Variants in CDK5RAP1 observed in about 807,000 individuals in gnomAD.
The protein encoded by CDK5RAP1 is mitochondrial tRNA methylthiotransferase CDK5RAP1.
In CDK5RAP1, 62 loss-of-function variants were observed where a neutral mutation model predicts 64.5. The observed-to-expected ratio is 0.96, with a 90% CI of 0.78 to 1.19. CDK5RAP1 has a LOEUF of 1.19. CDK5RAP1 is among the 50% of genes most tolerant of loss of function. The pLI is 0.00. For synonymous variants in CDK5RAP1, 250 were observed against 261.9 expected (o/e 0.95, Z 0.44); for missense variants, 657 against 735.0 (o/e 0.89, Z 1.23).
rs34108228 is a variant in CDK5RAP1 at position 33,381,080 on chromosome 20, TACAG to T, written c.877-1393_877-1390del. On this transcript the variant is annotated intron_variant, in intron 7 of 13. Transcript: ENST00000346416. Reference sequence around the variant, plus strand: ...CTTGTTTTGTAACTTTGACATAATTTACAGACAAACTGCAATATTAAAAGAATTC... The same window carrying T: ...CTTGTTTTGTAACTTTGACATAATTTACAAACTGCAATATTAAAAGAATTC... Among the ~76,000 whole-genome samples, 613 of 152,354 alleles carry T rather than the reference TACAG, an allele frequency of 4.0e-3. 7 individuals are homozygous for T. The highest frequency in any genetic ancestry group is 0.014 in the African/African-American group (576 of 41,600).
At chr20:33,400,808 C>T (rs1209732924) in intron 1 of CDK5RAP1, among the ~76,000 whole-genome samples, 1 of 146,876 alleles carries the variant, frequency 6.8e-6, no homozygotes, top group Non-Finnish European at 1.5e-5. Flanking sequence ...GAGCAAGACT[C>T]CCGTCTCAAG....
rs1055880746 is a variant in CDK5RAP1, at chr20:33,388,774, G to A, written c.545-1241C>T. On this transcript the variant is annotated intron_variant, in intron 5 of 13. Coordinates refer to ENST00000346416, the MANE Select transcript of CDK5RAP1 (RefSeq NM_016408.4). ...CGAGTGCCTGCGATTGCAGGCGCGCGCCGCCACGCCTGACTGGTTTTCGTA... is the reference window on the plus strand; with the variant it reads ...CGAGTGCCTGCGATTGCAGGCGCGCACCGCCACGCCTGACTGGTTTTCGTA... Among the ~76,000 whole-genome samples the A allele has an allele frequency of 8.8e-4, 134 of 152,108 alleles. 5 individuals carry two copies. The highest frequency in any genetic ancestry group is 6.5e-4 in the Admixed American group (10 of 15,280).
intron 1 of CDK5RAP1, 89 bp downstream of exon 1, chr20:33,401,339 C>T (rs763930910): frequency 2.4e-4 from 222 of 931,786 alleles, no homozygotes; most frequent in Non-Finnish European, 2.7e-4. Context: ...TCTTGAACAC[C>T]GTGCGCTTCC....
At chr20:33,388,744 C>A (rs1600784745) in intron 5 of CDK5RAP1, among the ~76,000 whole-genome samples, 1 of 152,096 alleles carries the variant, frequency 6.6e-6, no homozygotes, top group African/African-American at 2.4e-5. Context: ...CCTGCCTCAA[C>A]CTGCCGAGTG....
At chr20:33,388,859 G>A (rs1007088301) in intron 5 of CDK5RAP1, among the ~76,000 whole-genome samples, 8 of 152,218 alleles carry the variant, frequency 5.3e-5, no homozygotes, top group Admixed American at 2.0e-4. Flanking sequence ...GCTCCTAACC[G>A]GGAGTGATCT....
intron 5 of CDK5RAP1, among the ~76,000 whole-genome samples, chr20:33,388,447 T>C (rs1334592004): frequency 1.3e-5 from 2 of 152,008 alleles, no homozygotes; most frequent in Non-Finnish European, 2.9e-5. Context: ...CAAGTGTCTA[T>C]TAATGAATGA....
At position 33,373,078 on chromosome 20, in the gene CDK5RAP1, G is replaced by C. The variant is rs1985341001; in HGVS notation, c.1206-381C>G. Reference sequence around the variant, plus strand: ...AGATGTGCGCCACCACACCCAGCTAGTGTGTGTGTGTGTCTGTGTGTCTGT... The same window carrying C: ...AGATGTGCGCCACCACACCCAGCTACTGTGTGTGTGTGTCTGTGTGTCTGT... On this transcript the variant is annotated intron_variant, in intron 9 of 13. Coordinates refer to ENST00000346416, the MANE Select transcript of CDK5RAP1 (RefSeq NM_016408.4). 3 of 186,110 alleles carry C rather than the reference G, an allele frequency of 1.6e-5. No individual in the cohort carries two copies. The South Asian group carries it at 3.1e-4, about 19-fold the overall frequency. The allele number at this position is 186,110 out of a possible 1,614,324, so 11.5% of individuals were successfully genotyped here.
At chr20:33,385,929 C>T (rs1987375295) in intron 6 of CDK5RAP1, among the ~76,000 whole-genome samples, 159 bp from the exon 7 acceptor site, 1 of 152,292 alleles carries the variant, frequency 6.6e-6, no homozygotes, top group Admixed American at 6.5e-5. Flanking sequence ...TAAAGTAGAC[C>T]TTTTTTATCT....
At chr20:33,359,160 A>G in intron 13 of CDK5RAP1, 37 bp from the exon 14 acceptor site, 1 of 1,464,462 alleles carries the variant, frequency 6.8e-7, no homozygotes, top group South Asian at 1.1e-5. Context: ...CAAAATAACT[A>G]GGACTGTAGC....
chr20:33,386,209 G>A (rs1272125999), intron 6 of CDK5RAP1, among the ~76,000 whole-genome samples: 3 of 152,072 alleles, frequency 2.0e-5, no homozygotes, highest in Non-Finnish European at 4.4e-5. Context: ...GACTACAGGC[G>A]CCTGCCACCA....
At chr20:33,370,041 G>A (rs1358804588) in intron 11 of CDK5RAP1, among the ~76,000 whole-genome samples, 1 of 152,076 alleles carries the variant, frequency 6.6e-6, no homozygotes, top group East Asian at 1.9e-4. Flanking sequence ...GCTTTGCCTG[G>A]GAATCTGCTT....
At chr20:33,365,723 G>C (rs1983795616) in intron 12 of CDK5RAP1, among the ~76,000 whole-genome samples, 1 of 151,446 alleles carries the variant, frequency 6.6e-6, no homozygotes. Context: ...CTCTGTCTCT[G>C]AGCTCAGTAC....
chr20:33,388,671 C>A lies in CDK5RAP1; in HGVS notation c.545-1138G>T, dbSNP rs180794635. On this transcript the variant is annotated intron_variant, in intron 5 of 13. Coordinates refer to ENST00000346416, the MANE Select transcript of CDK5RAP1 (RefSeq NM_016408.4). The stretch of plus-strand genomic sequence containing the variant: ...CTCTTTCCACGGTCTCCCTCTGATG[C>A]CCAGCCAAAGCTGGACTGTGCTGCC... Among the ~76,000 whole-genome samples the A allele has an allele frequency of 8.0e-4, 121 of 151,944 alleles. 1 individual carries two copies. The highest frequency in any genetic ancestry group is 2.7e-3 in the African/African-American group (112 of 41,434).
intron 5 of CDK5RAP1, among the ~76,000 whole-genome samples, chr20:33,388,037 C>T (rs971350844): frequency 6.6e-6 from 1 of 150,618 alleles, no homozygotes; most frequent in Non-Finnish European, 1.5e-5. Context: ...CATTGTACTC[C>T]AGCCTGGGCA....
intron 1 of CDK5RAP1, among the ~76,000 whole-genome samples, chr20:33,400,453 T>C (rs1989296648): frequency 6.6e-6 from 1 of 152,192 alleles, no homozygotes; most frequent in African/African-American, 2.4e-5. Context: ...GCAAGACAAA[T>C]TTCTGTCTCT....
chr20:33,370,579 C>G lies in CDK5RAP1; in HGVS notation c.1312G>C (p.Glu438Gln), dbSNP rs933109054. 7 of 1,614,024 alleles carry G rather than the reference C, an allele frequency of 4.3e-6. No homozygotes were observed. Among genetic ancestry groups the G allele is most frequent in the Admixed American group, 1.7e-5 (1 of 60,000 alleles). ...AAAGAGACTGTCTGGACGTGATCTT[C>G]CTCCGTCTCACCACAAAAGCCAGCA... ...FIAGFCGETE[E>Q]DHVQTVSLLR... Residue 438 changes from glutamate (E) to glutamine (Q), a missense_variant, in exon 11 of 14, where the codon GAA becomes CAA. Coordinates refer to ENST00000346416, the MANE Select transcript of CDK5RAP1 (RefSeq NM_016408.4).
chr20:33,401,423 C>G lies in CDK5RAP1; in HGVS notation c.-21+5G>C, dbSNP rs968023781. 2 of 985,404 alleles carry G rather than the reference C, an allele frequency of 2.0e-6. No homozygotes were observed. Among genetic ancestry groups the G allele is most frequent in the African/African-American group, 1.7e-5 (1 of 57,262 alleles). 61.0% of individuals were successfully genotyped at this position (985,404 alleles called of 1,614,324 possible). On this transcript the variant is annotated splice_donor_5th_base_variant and intron_variant, in intron 1 of 13. Transcript: ENST00000346416. Reference sequence around the variant, plus strand: ...GCAGCCCACCCCGGCGGCCGCGCTGCTCACCTCCCGCAGCAGCAACAGTGC... The same window carrying G: ...GCAGCCCACCCCGGCGGCCGCGCTGGTCACCTCCCGCAGCAGCAACAGTGC...
At chr20:33,380,504 T>C (rs544828586) in intron 7 of CDK5RAP1, among the ~76,000 whole-genome samples, 1 of 152,198 alleles carries the variant, frequency 6.6e-6, no homozygotes, top group Non-Finnish European at 1.5e-5. Context: ...ATACATATGA[T>C]AATGATATCA....
chr20:33,389,798 G>T (rs1039550231), intron 5 of CDK5RAP1, among the ~76,000 whole-genome samples: 1 of 152,194 alleles, frequency 6.6e-6, no homozygotes, highest in Non-Finnish European at 1.5e-5. Context: ...AGAGAAATCA[G>T]ATTGTTGCTG....
Sources: gnomAD v4.1 joint callset for allele counts (sites outside exome capture counted in the v4.1 genomes callset) on GRCh38, gnomAD v4.1.1 for gene constraint, MANE v1.5 for transcripts, NCBI Gene and HGNC (gene_info 2026-07-23, HGNC 2026-07-21) for gene names.